Variants in ARHGAP6 observed in about 807,000 individuals in gnomAD.
ARHGAP6 encodes rho GTPase-activating protein 6.
A neutral mutation model predicts 55.7 loss-of-function variants in ARHGAP6; 16 were observed. That is an observed-to-expected ratio of 0.29 (90% confidence interval 0.19 to 0.44). The LOEUF is 0.44. ARHGAP6 is among the 20% of genes least tolerant of loss of function. The probability of loss-of-function intolerance (pLI) is 1.00; values close to 1 mark genes in which losing one functional copy is unlikely to be tolerated. For missense variants in ARHGAP6, 698 were observed against 808.9 expected (o/e 0.86, Z 1.66); for synonymous variants, 382 against 360.9 (o/e 1.06, Z -0.66).
At position 11,169,559 on chromosome X, in the gene ARHGAP6, C is replaced by T. The variant is rs148023200; in HGVS notation, c.1755G>A (p.Thr585=). Residue 585 remains threonine (T), a synonymous_variant, in exon 9 of 13, where the codon ACG becomes ACA. Coordinates refer to ENST00000337414, the MANE Select transcript of ARHGAP6 (RefSeq NM_013427.3). ...VQSSARAEES[T]AIIAVVQKMI... ...TCTTTTGCACAACAGCGATGATGGC[C>T]GTGCTCTCCTCAGCCCGGGCTGAAC... The T allele has an allele frequency of 5.8e-5, 70 of 1,204,396 alleles. No homozygotes were observed. In the African/African-American group the frequency reaches 5.8e-4, roughly 10 times the overall value.
At chrX:11,266,070 T>TGAGA (rs1271634212) in intron 1 of ARHGAP6, 1 of 249,393 alleles carries the variant, frequency 4.0e-6, no homozygotes, top group African/African-American at 4.1e-5. Flanking sequence ...TGTGTGTGTG[T>TGAGA]GTGAGAGAGA....
intron 10 of ARHGAP6, among the ~76,000 whole-genome samples, chrX:11,151,631 T>C (rs1369142359): frequency 8.9e-6 from 1 of 112,216 alleles, no homozygotes; most frequent in African/African-American, 3.2e-5. Context: ...ATACCGATGT[T>C]GCATAAAGAA....
At chrX:11,478,795 T>C (rs1291778025) in intron 1 of ARHGAP6, among the ~76,000 whole-genome samples, 1 of 111,999 alleles carries the variant, frequency 8.9e-6, no homozygotes, top group South Asian at 3.8e-4. Context: ...ATTTCAAAGA[T>C]GCTAACTATC....
chrX:11,526,255 C>A (rs937280466), intron 1 of ARHGAP6, among the ~76,000 whole-genome samples: 2 of 111,424 alleles, frequency 1.8e-5, no homozygotes, highest in African/African-American at 3.3e-5. Flanking sequence ...AAGCTTCACT[C>A]TGAGTCATCC....
intron 1 of ARHGAP6, among the ~76,000 whole-genome samples, chrX:11,577,961 C>T (rs182394686): frequency 9.0e-6 from 1 of 111,508 alleles, no homozygotes; most frequent in Non-Finnish European, 1.9e-5. Flanking sequence ...CTTGAGGGAC[C>T]ACTTCTATCC....
At chrX:11,298,862 G>A (rs201127558) in intron 1 of ARHGAP6, 14 of 1,208,305 alleles carry the variant, frequency 1.2e-5, no homozygotes, top group African/African-American at 3.5e-5. Flanking sequence ...AGCCCCTGCC[G>A]CCACAGCCAC....
At chrX:11,251,521 G>A (rs747383132) in intron 2 of ARHGAP6, among the ~76,000 whole-genome samples, 1 of 111,939 alleles carries the variant, frequency 8.9e-6, no homozygotes, top group African/African-American at 3.2e-5. Context: ...AGACTCACAG[G>A]AGAGGGTTCT....
At position 11,232,728 on chromosome X, in the gene ARHGAP6, A is replaced by C. The variant is rs578006109; in HGVS notation, c.748+21820T>G. On this transcript the variant is annotated intron_variant, in intron 2 of 12. Coordinates refer to ENST00000337414, the MANE Select transcript of ARHGAP6 (RefSeq NM_013427.3). ...TTGTCTGCTACACTTTCTTTCCTCT[A>C]TGTGTGGCAAGTGCCTACTTACTCT... Among the ~76,000 whole-genome samples, 18 of 112,490 alleles carry C rather than the reference A, an allele frequency of 1.6e-4. No homozygotes were observed. In the South Asian group the frequency reaches 6.7e-3, roughly 42 times the overall value.
chrX:11,580,233 C>T (rs1328565612), intron 1 of ARHGAP6, among the ~76,000 whole-genome samples: 8 of 112,340 alleles, frequency 7.1e-5, no homozygotes, highest in African/African-American at 2.6e-4. Flanking sequence ...TTTTCATTTG[C>T]AGTTTCTTTT....
intron 1 of ARHGAP6, chrX:11,334,200 A>C (rs2048599817): frequency 7.4e-6 from 1 of 135,760 alleles, no homozygotes; most frequent in Non-Finnish European, 1.6e-5. Context: ...AAGACAGAAA[A>C]GTTGTACCTG....
intron 2 of ARHGAP6, among the ~76,000 whole-genome samples, chrX:11,207,931 A>C (rs1356643915): frequency 2.7e-5 from 3 of 111,582 alleles, no homozygotes; most frequent in Non-Finnish European, 3.8e-5. Context: ...TCCATAGCCC[A>C]TGTTAGGAAT....
In ARHGAP6 at chrX:11,274,697, T is replaced by C. The variant is rs766491811; in HGVS notation, c.589-19990A>G. Among the ~76,000 whole-genome samples the C allele has an allele frequency of 9.9e-5, 11 of 110,932 alleles. No homozygotes were observed. In the South Asian group the frequency reaches 3.1e-3, roughly 31 times the overall value. On this transcript the variant is annotated intron_variant, in intron 1 of 12. Transcript: ENST00000337414. ...TTGTTACATAGGTAAACATGTGACA[T>C]GGTGGTTTGCTGTACCTATCAACCC...
chrX:11,404,136 C>T (rs1360430364), intron 1 of ARHGAP6, among the ~76,000 whole-genome samples: 1 of 111,619 alleles, frequency 9.0e-6, no homozygotes, highest in African/African-American at 3.3e-5. Context: ...TGATTCACAC[C>T]TGGGTCAGAG....
intron 1 of ARHGAP6, among the ~76,000 whole-genome samples, chrX:11,453,193 T>TATATATATATACATAATATATATATATG (rs1474424979): frequency 0.023 from 2,301 of 100,482 alleles, 58 homozygotes; most frequent in Middle Eastern, 0.045. Flanking sequence ...TCTCTCTCTC[T>TATATATATATACATAATATATATATATG]CTATATATAT....
chrX:11,242,640 A>G (rs1175718696), intron 2 of ARHGAP6, among the ~76,000 whole-genome samples: 2 of 111,913 alleles, frequency 1.8e-5, no homozygotes, highest in Admixed American at 9.5e-5. Flanking sequence ...GAGTTTCCAA[A>G]TATCGGGGCA....
At chrX:11,546,287 T>C (rs972947512) in intron 1 of ARHGAP6, among the ~76,000 whole-genome samples, 1 of 111,131 alleles carries the variant, frequency 9.0e-6, no homozygotes, top group African/African-American at 3.3e-5. Flanking sequence ...CTTTCTCCAT[T>C]CAGTAAGCCC....
At chrX:11,601,265 T>C (rs2051968156) in intron 1 of ARHGAP6, among the ~76,000 whole-genome samples, 1 of 111,223 alleles carries the variant, frequency 9.0e-6, no homozygotes, top group Non-Finnish European at 1.9e-5. Context: ...GGAGCCATTA[T>C]GAAGGGAGGC....
At chrX:11,400,535 G>T (rs768307728) in intron 1 of ARHGAP6, among the ~76,000 whole-genome samples, 1 of 104,212 alleles carries the variant, frequency 9.6e-6, no homozygotes, top group Admixed American at 1.1e-4. Flanking sequence ...AAGCACTGTC[G>T]TTTACCTCTG....
At chrX:11,388,081 G>T (rs1603163227) in intron 1 of ARHGAP6, among the ~76,000 whole-genome samples, 1 of 111,737 alleles carries the variant, frequency 8.9e-6, no homozygotes, top group Non-Finnish European at 1.9e-5. Context: ...TAATGCAATG[G>T]CTGGGTCAAA....
Sources: allele counts gnomAD v4.1 joint callset (sites outside exome capture counted in the v4.1 genomes callset), GRCh38; gene constraint gnomAD v4.1.1; transcripts MANE v1.5; gene names NCBI Gene and HGNC (gene_info 2026-07-23, HGNC 2026-07-21).